Variants in SEMA3A observed in about 807,000 individuals in gnomAD.
SEMA3A encodes semaphorin 3A.
In SEMA3A, 29 loss-of-function variants were observed where a neutral mutation model predicts 97.9. The ratio of observed to expected loss-of-function variants is 0.30; its 90% confidence interval spans 0.22 to 0.40. The LOEUF is 0.40. Ranked by LOEUF, SEMA3A falls within the 10% of genes least tolerant of loss-of-function variation. The pLI, the probability that SEMA3A is intolerant of heterozygous loss-of-function variation, is 1.00. For missense variants in SEMA3A, 763 were observed against 951.3 expected, an observed-to-expected ratio of 0.80 and a Z score of 2.60; for synonymous variants, 321 against 323.7, an observed-to-expected ratio of 0.99 and a Z score of 0.09.
chr7:84,309,442 G>C (rs1472473334), intron 2 of SEMA3A, among the ~76,000 whole-genome samples: 1 of 152,130 alleles, frequency 6.6e-6, no homozygotes, highest in Non-Finnish European at 1.5e-5. Flanking sequence ...CAGAGAGATG[G>C]TTGTAAAGTC....
At chr7:83,998,157 T>C (rs529596736) in intron 12 of SEMA3A, among the ~76,000 whole-genome samples, 50 of 152,170 alleles carry the variant, frequency 3.3e-4, no homozygotes, top group Non-Finnish European at 6.2e-4. Flanking sequence ...TGTACTGTCA[T>C]GTATGGGTTG....
At chr7:84,066,004 T>G (rs1793473011) in intron 4 of SEMA3A, among the ~76,000 whole-genome samples, 1 of 151,440 alleles carries the variant, frequency 6.6e-6, no homozygotes, top group South Asian at 2.1e-4. Flanking sequence ...TGATGAACAT[T>G]GATGCAAAAA....
At chr7:84,276,143 C>A (rs1443357248) in intron 3 of SEMA3A, among the ~76,000 whole-genome samples, 1 of 152,016 alleles carries the variant, frequency 6.6e-6, no homozygotes, top group African/African-American at 2.4e-5. Flanking sequence ...TTCTTTAATT[C>A]TTTCGTTTAT....
chr7:84,442,495 A>T (rs1805297130), intron 1 of SEMA3A, among the ~76,000 whole-genome samples: 2 of 152,228 alleles, frequency 1.3e-5, no homozygotes, highest in South Asian at 4.1e-4. Context: ...TGAGGAAAAA[A>T]ATCTGAAACT....
At chr7:84,481,685 T>C (rs1314801083) in intron 1 of SEMA3A, among the ~76,000 whole-genome samples, 1 of 152,162 alleles carries the variant, frequency 6.6e-6, no homozygotes, top group Non-Finnish European at 1.5e-5. Flanking sequence ...CTAATTATAT[T>C]GCACCATCTT....
chr7:84,490,124 ATT>A (rs1806681083), intron 1 of SEMA3A, among the ~76,000 whole-genome samples: 1 of 151,228 alleles, frequency 6.6e-6, no homozygotes, highest in Non-Finnish European at 1.5e-5. Flanking sequence ...TAGGATATTT[ATT>A]AACAAATTAT....
At chr7:84,241,639 C>T (rs562495239) in intron 3 of SEMA3A, among the ~76,000 whole-genome samples, 1 of 152,170 alleles carries the variant, frequency 6.6e-6, no homozygotes, top group Admixed American at 6.5e-5. Flanking sequence ...TAATTAGATC[C>T]CATTTGTCCA....
intron 1 of SEMA3A, among the ~76,000 whole-genome samples, chr7:84,442,558 C>T (rs993663155): frequency 1.3e-5 from 2 of 151,772 alleles, no homozygotes; most frequent in African/African-American, 2.4e-5. Context: ...GAAGTGAGAA[C>T]AAAGAAAGGT....
chr7:84,360,439 T>C (rs1245110819), intron 2 of SEMA3A, among the ~76,000 whole-genome samples: 1 of 152,126 alleles, frequency 6.6e-6, no homozygotes, highest in Admixed American at 6.6e-5. Flanking sequence ...AGTTTCCGTG[T>C]AGTTGAGCAG....
At chr7:83,992,493 C>A (rs956280050) in intron 12 of SEMA3A, among the ~76,000 whole-genome samples, 9 of 151,490 alleles carry the variant, frequency 5.9e-5, no homozygotes, top group African/African-American at 2.2e-4. Flanking sequence ...GCTTTGAATG[C>A]GTCCCAGAGA....
chr7:84,467,608 C>T (rs1806036513), intron 1 of SEMA3A, among the ~76,000 whole-genome samples: 1 of 151,342 alleles, frequency 6.6e-6, no homozygotes, highest in Admixed American at 6.6e-5. Flanking sequence ...CTACGACTTC[C>T]TATCCAATTT....
intron 12 of SEMA3A, among the ~76,000 whole-genome samples, chr7:83,994,824 T>G (rs960857870): frequency 4.6e-5 from 7 of 151,996 alleles, no homozygotes; most frequent in South Asian, 2.1e-4. Flanking sequence ...CAGGCCTCCT[T>G]GAGCTGTGGT....
At chr7:84,398,790 A>G (rs1268062464) in intron 1 of SEMA3A, among the ~76,000 whole-genome samples, 1 of 152,084 alleles carries the variant, frequency 6.6e-6, no homozygotes, top group Non-Finnish European at 1.5e-5. Flanking sequence ...CCTGGGCAAC[A>G]GAGTGAGACT....
At chr7:84,386,327 G>T (rs1008731051) in intron 1 of SEMA3A, among the ~76,000 whole-genome samples, 1 of 152,100 alleles carries the variant, frequency 6.6e-6, no homozygotes, top group African/African-American at 2.4e-5. Flanking sequence ...CAGCAGCTCT[G>T]TAATCCATAA....
intron 12 of SEMA3A, among the ~76,000 whole-genome samples, chr7:83,993,336 G>T (rs1285391165): frequency 2.0e-5 from 3 of 149,420 alleles, no homozygotes; most frequent in Non-Finnish European, 4.4e-5. Flanking sequence ...ATATTGTTAT[G>T]TGTGAATTTG....
At chr7:84,076,463 G>T in intron 4 of SEMA3A, among the ~76,000 whole-genome samples, 1 of 151,982 alleles carries the variant, frequency 6.6e-6, no homozygotes, top group Non-Finnish European at 1.5e-5. Context: ...TGATTTTTTT[G>T]TACTTGATTT....
chr7:84,439,596 CTT>C (rs1805220170), intron 1 of SEMA3A, among the ~76,000 whole-genome samples: 3 of 152,082 alleles, frequency 2.0e-5, no homozygotes, highest in South Asian at 2.1e-4. Context: ...TCTGATGAGA[CTT>C]TTCAAACAGT....
At chr7:83,961,868 A>G in intron 16 of SEMA3A, 42 bp from the exon 17 acceptor site, 1 of 1,449,416 alleles carries the variant, frequency 6.9e-7, no homozygotes, top group Non-Finnish European at 9.5e-7. Flanking sequence ...ATACATATTT[A>G]AAAGAAATAG....
chr7:84,027,961 T>G (rs574658912), intron 6 of SEMA3A, among the ~76,000 whole-genome samples: 1 of 152,328 alleles, frequency 6.6e-6, no homozygotes, highest in African/African-American at 2.4e-5. Context: ...AATCATTTTC[T>G]AAAAGTGTGT....
Sources: gnomAD v4.1 joint callset for allele counts (sites outside exome capture counted in the v4.1 genomes callset) on GRCh38, gnomAD v4.1.1 for gene constraint, MANE v1.5 for transcripts, NCBI Gene and HGNC (gene_info 2026-07-23, HGNC 2026-07-21) for gene names.